RASGRP3: variants seen among roughly 807,000 people sequenced by gnomAD.
RASGRP3 encodes RAS guanyl releasing protein 3, also known as ras guanyl-releasing protein 3.
Under a neutral mutation model 82.7 loss-of-function variants are expected in RASGRP3, and 54 were observed. That is an observed-to-expected ratio of 0.65 (90% CI 0.52 to 0.82). The LOEUF (loss-of-function observed/expected upper bound fraction) is 0.82. RASGRP3 is among the 40% of genes least tolerant of loss of function. The probability of loss-of-function intolerance (pLI) is 0.00; values close to 1 mark genes in which losing one functional copy is unlikely to be tolerated. For missense variants in RASGRP3, 861 were observed against 828.9 expected (o/e 1.04, Z -0.48); for synonymous variants, 309 against 300.5 (o/e 1.03, Z -0.29).
intron 2 of RASGRP3, chr2:33,448,014 T>A (rs976158257): frequency 1.3e-5 from 2 of 152,168 alleles, no homozygotes; most frequent in African/African-American, 2.4e-5. Context: ...TAAAATCTGA[T>A]CACATGTTTT....
At chr2:33,550,875 T>C (rs1032156814) in intron 14 of RASGRP3, among the ~76,000 whole-genome samples, 2 of 152,174 alleles carry the variant, frequency 1.3e-5, no homozygotes, top group Non-Finnish European at 2.9e-5. Context: ...AGCCGTTTCC[T>C]CAAAGACGGC....
rs147470274 is a variant in RASGRP3 at position 33,547,087 on chromosome 2, G to A, written c.1395-2517G>A. 1.1e-3 allele frequency among the ~76,000 whole-genome samples: 156 copies of A among 147,196 alleles called. 2 individuals carry two copies. Among genetic ancestry groups the A allele is most frequent in the African/African-American group, 3.6e-3 (146 of 40,386 alleles). On this transcript the variant is annotated intron_variant, in intron 13 of 17. Coordinates refer to ENST00000403687, the MANE Select transcript of RASGRP3 (RefSeq NM_001139488.2). ...AAAAAAAAAAAAAGAGAGAGAGAAT[G>A]AGATCATGTGTTTTGCAGGAACGCG... is the stretch of plus-strand genomic sequence containing the variant.
At position 33,563,530 on chromosome 2, in the gene RASGRP3, A is replaced by ATCTT. The variant is rs1228046625; in HGVS notation, c.*798_*801dup. Reference sequence around the variant, plus strand: ...TTGTCCCTTCTGACTGGGTTAAGCCATCTTTCTTAAGATTCCTGAAGTAGA... The same window carrying ATCTT: ...TTGTCCCTTCTGACTGGGTTAAGCCATCTTTCTTTCTTAAGATTCCTGAAGTAGA... On this transcript the variant is annotated 3_prime_UTR_variant, in exon 18 of 18. Coordinates refer to ENST00000403687, the MANE Select transcript of RASGRP3 (RefSeq NM_001139488.2). 1.3e-5 allele frequency: 2 copies of ATCTT among 152,244 alleles called. No individual in the cohort carries two copies. Among genetic ancestry groups the ATCTT allele is most frequent in the African/African-American group, 4.8e-5 (2 of 41,472 alleles). The allele number at this position is 152,244 out of a possible 1,614,324, so 9.4% of individuals were successfully genotyped here. A position where few individuals can be genotyped will look rare whatever the true frequency, so the allele number is the denominator to read the frequency against.
chr2:33,493,197 T>G (rs1050739978), intron 1 of RASGRP3: 1 of 152,192 alleles, frequency 6.6e-6, no homozygotes, highest in Admixed American at 6.5e-5. Flanking sequence ...ATGGCTAAAA[T>G]TGGAGCTACC....
intron 2 of RASGRP3, among the ~76,000 whole-genome samples, chr2:33,449,525 G>C (rs769954250): frequency 6.6e-6 from 1 of 152,162 alleles, no homozygotes; most frequent in Non-Finnish European, 1.5e-5. Context: ...ACTTTGGGAG[G>C]CCGAGGGGGG....
chr2:33,523,898 A>G lies in RASGRP3; in HGVS notation c.536A>G (p.Tyr179Cys). ...RRISFTDYQS[Y>C]VIHGCLENNP... ...TCCTAGTTCACTGATTACCAAAGCT[A>G]TGTCATCCATGGCTGCCTGGAGAAT... Residue 179 changes from tyrosine (Y) to cysteine (C), a missense_variant, in exon 8 of 18, where the codon TAT (tyrosine) becomes TGT (cysteine). Tyr to Cys is a radical substitution (Grantham distance 194, BLOSUM62 -2). Coordinates refer to ENST00000403687, the MANE Select transcript of RASGRP3 (RefSeq NM_001139488.2). 1 of 1,612,930 alleles carries G rather than the reference A, an allele frequency of 6.2e-7. No homozygotes were observed. The highest frequency in any genetic ancestry group is 8.5e-7 in the Non-Finnish European group (1 of 1,179,222).
chr2:33,547,580 C>T (rs1674922632), intron 13 of RASGRP3, among the ~76,000 whole-genome samples: 1 of 151,882 alleles, frequency 6.6e-6, no homozygotes, highest in Non-Finnish European at 1.5e-5. Flanking sequence ...GAGAGTGGAT[C>T]ATCAGGAAGA....
chr2:33,437,264 G>T (rs999387599), intron 1 of RASGRP3, among the ~76,000 whole-genome samples: 5 of 152,140 alleles, frequency 3.3e-5, no homozygotes, highest in Non-Finnish European at 5.9e-5. Flanking sequence ...ATGTCACTGG[G>T]TTTGGAAATG....
At chr2:33,507,700 A>G (rs577242352) in intron 1 of RASGRP3, among the ~76,000 whole-genome samples, 1 of 152,030 alleles carries the variant, frequency 6.6e-6, no homozygotes, top group South Asian at 2.1e-4. Flanking sequence ...TACTTCTTGT[A>G]TTTTTATTAG....
intron 6 of RASGRP3, among the ~76,000 whole-genome samples, chr2:33,521,062 AC>A (rs1163558556): frequency 1.3e-5 from 2 of 152,178 alleles, no homozygotes; most frequent in Non-Finnish European, 2.9e-5. Flanking sequence ...CATTGGCGTT[AC>A]CTGGGAGCTC....
chr2:33,536,322 G>GAA (rs35520392), intron 11 of RASGRP3, among the ~76,000 whole-genome samples: 92 of 127,744 alleles, frequency 7.2e-4, no homozygotes, highest in African/African-American at 1.8e-3. Context: ...ATTTAAAAAA[G>GAA]AAAAAAAAAA....
At chr2:33,521,928 T>C (rs369933769) in intron 6 of RASGRP3, 27 bp from the exon 7 acceptor site, 17 of 1,590,748 alleles carry the variant, frequency 1.1e-5, no homozygotes, top group Non-Finnish European at 1.5e-5. Flanking sequence ...TTTCAACACA[T>C]TGACCGGACT....
chr2:33,459,259 C>T (rs910900019), intron 2 of RASGRP3, among the ~76,000 whole-genome samples: 6 of 152,044 alleles, frequency 3.9e-5, no homozygotes, highest in Non-Finnish European at 4.4e-5. Context: ...CTCAGCCTCC[C>T]GAGTAGCTGG....
At position 33,539,143 on chromosome 2, in the gene RASGRP3, G is replaced by A. The variant is rs1034396389; in HGVS notation, c.1211G>A (p.Trp404Ter). 6.2e-7 allele frequency: 1 copy of A among 1,611,996 alleles called. No homozygotes were observed. Among genetic ancestry groups the A allele is most frequent in the Non-Finnish European group, 8.5e-7 (1 of 1,179,182 alleles). ...TPNKPVVPLE[W>*]ALGVMPKPDP... is the part of the protein sequence containing the mutation. ...AACAAGCCTGTGGTACCCCTGGAGT[G>A]GGCATTAGGGGTGATGCCAAAGCCA... Residue 404 changes from tryptophan to a stop codon, truncating the protein, a stop_gained, in exon 12 of 18, where the codon TGG becomes TAG. Transcript: ENST00000403687. LOFTEE classifies it high-confidence loss of function.
At position 33,543,499 on chromosome 2, in the gene RASGRP3, C is replaced by G; in HGVS notation, c.1279-13C>G. 2 of 1,511,542 alleles carry G rather than the reference C, an allele frequency of 1.3e-6. No individual in the cohort carries two copies. Among genetic ancestry groups the G allele is most frequent in the Non-Finnish European group, 1.8e-6 (2 of 1,094,026 alleles). The allele number at this position is 1,511,542 out of a possible 1,614,324, so 93.6% of individuals were successfully genotyped here. On this transcript the variant is annotated splice_polypyrimidine_tract_variant and intron_variant, in intron 12 of 17. Coordinates refer to ENST00000403687, the MANE Select transcript of RASGRP3 (RefSeq NM_001139488.2). ...TTATAGTCATTCAATAAATACTTAT[C>G]TTTCCTTTGCAGTCTGTATTTAGAA...
At chr2:33,537,993 G>T (rs944131410) in intron 11 of RASGRP3, among the ~76,000 whole-genome samples, 1 of 152,194 alleles carries the variant, frequency 6.6e-6, no homozygotes, top group African/African-American at 2.4e-5. Flanking sequence ...AGGTGCAGAC[G>T]TAAGGACATA....
At chr2:33,543,981 T>C (rs1219825268) in intron 13 of RASGRP3, among the ~76,000 whole-genome samples, 3 of 152,164 alleles carry the variant, frequency 2.0e-5, no homozygotes, top group Admixed American at 2.0e-4. Flanking sequence ...TCCTCAAAAT[T>C]AGTGCACCTG....
At chr2:33,534,914 T>C (rs1410821668) in intron 11 of RASGRP3, among the ~76,000 whole-genome samples, 1 of 152,056 alleles carries the variant, frequency 6.6e-6, no homozygotes, top group Non-Finnish European at 1.5e-5. Context: ...CAGAGGCTAA[T>C]AAAGAGGAAG....
At chr2:33,528,141 G>C (rs1672761826) in intron 10 of RASGRP3, among the ~76,000 whole-genome samples, 2 of 152,046 alleles carry the variant, frequency 1.3e-5, no homozygotes, top group African/African-American at 4.8e-5. Context: ...ACATCACCCT[G>C]GCACTTTATA....
Sources: allele counts gnomAD v4.1 joint callset (sites outside exome capture counted in the v4.1 genomes callset), GRCh38; gene constraint gnomAD v4.1.1; transcripts MANE v1.5; gene names NCBI Gene and HGNC (gene_info 2026-07-23, HGNC 2026-07-21).